The following ERI1 variants were observed in gnomAD, a reference collection of about 807,000 sequenced individuals.
The protein encoded by ERI1 is 3'-5' exoribonuclease 1.
ERI1 carries 39 observed loss-of-function variants against 39.7 expected under a neutral mutation model. The observed-to-expected ratio is 0.98, with a 90% confidence interval of 0.76 to 1.28. The LOEUF is 1.28. Ranked by LOEUF, ERI1 falls within the 50% of genes most tolerant of loss-of-function variation. The pLI, the probability that ERI1 is intolerant of heterozygous loss-of-function variation, is 0.00. For missense variants in ERI1, 581 were observed against 416.9 expected, an observed-to-expected ratio of 1.39 and a Z score of -3.43; for synonymous variants, 204 against 149.6, an observed-to-expected ratio of 1.36 and a Z score of -2.65.
intron 3 of ERI1, among the ~76,000 whole-genome samples, chr8:9,040,466 T>A (rs1797981092): frequency 6.6e-6 from 1 of 151,996 alleles, no homozygotes; most frequent in Admixed American, 6.5e-5. Flanking sequence ...GAGTGGTGTC[T>A]TTGTTTTGTA....
chr8:9,094,912 G>A (rs1238832299), intron 3 of ERI1, among the ~76,000 whole-genome samples: 1 of 152,166 alleles, frequency 6.6e-6, no homozygotes, highest in Non-Finnish European at 1.5e-5. Flanking sequence ...TACGGGGGTT[G>A]GGAGAGTCCT....
At chr8:9,082,112 A>G (rs759481441) in intron 3 of ERI1, among the ~76,000 whole-genome samples, 6 of 151,894 alleles carry the variant, frequency 4.0e-5, no homozygotes, top group Non-Finnish European at 8.8e-5. Flanking sequence ...ATTTCTTACG[A>G]CTCCAGGAAG....
intron 3 of ERI1, among the ~76,000 whole-genome samples, chr8:9,075,620 A>T (rs570136273): frequency 6.6e-6 from 1 of 152,186 alleles, no homozygotes; most frequent in South Asian, 2.1e-4. Flanking sequence ...AAAGAGACTT[A>T]CAGGGGGCTT....
chr8:9,008,138 C>G lies in ERI1; in HGVS notation c.277C>G (p.Leu93Val). 1.3e-6 allele frequency: 2 copies of G among 1,583,798 alleles called. No homozygotes were observed. The highest frequency in any genetic ancestry group is 1.7e-6 in the Non-Finnish European group (2 of 1,167,738). ...ELRAKLSEFKLETRGVKDVLK... is the reference protein window; with the variant it reads ...ELRAKLSEFKVETRGVKDVLK... ...CAGAGCTAAGCTTTCAGAATTCAAG[C>G]TTGAAACTAGGTAATTAAAAATAAC... The change falls in exon 2 of 7, where the codon CTT (leucine) becomes GTT (valine). Residue 93 changes from leucine (L) to valine (V), a missense_variant. Physicochemically the swap from Leu to Val is conservative, Grantham distance 32. Coordinates refer to ENST00000250263, the MANE Select transcript of ERI1 (RefSeq NM_153332.4).
chr8:9,041,451 CAA>C (rs1385477509), intron 3 of ERI1, among the ~76,000 whole-genome samples: 1 of 152,130 alleles, frequency 6.6e-6, no homozygotes, highest in Non-Finnish European at 1.5e-5. Context: ...AAACAAGTCT[CAA>C]GAGCTTTTAA....
chr8:9,002,920 G>T lies in ERI1; in HGVS notation c.-144G>T, dbSNP rs1371667481. 2.0e-6 allele frequency: 1 copy of T among 512,714 alleles called. No homozygotes were observed. Among genetic ancestry groups the T allele is most frequent in the East Asian group, 3.5e-5 (1 of 28,318 alleles). 31.8% of individuals were successfully genotyped at this position (512,714 alleles called of 1,614,324 possible). A position where few individuals can be genotyped will look rare whatever the true frequency, so the allele number is the denominator to read the frequency against. Reference sequence around the variant, plus strand: ...CCACACGCTCCCGGAAGTGGGAGGTGGCCGCTGGAGTTTGTGTGGCCGCCG... The same window carrying T: ...CCACACGCTCCCGGAAGTGGGAGGTTGCCGCTGGAGTTTGTGTGGCCGCCG... On this transcript the variant is annotated 5_prime_UTR_variant, in exon 1 of 7. Transcript: ENST00000250263.
chr8:9,083,191 A>G (rs569892386), intron 3 of ERI1, among the ~76,000 whole-genome samples: 1 of 152,312 alleles, frequency 6.6e-6, no homozygotes, highest in Admixed American at 6.5e-5. Context: ...GTCAGGGGGA[A>G]GCAAAGTCAA....
chr8:9,060,460 A>T (rs765055467), intron 3 of ERI1, among the ~76,000 whole-genome samples: 2 of 152,104 alleles, frequency 1.3e-5, no homozygotes, highest in African/African-American at 2.4e-5. Context: ...GGCCGGAACA[A>T]TCCCTGAGGG....
intron 3 of ERI1, among the ~76,000 whole-genome samples, chr8:9,089,076 C>T (rs1031152133): frequency 3.3e-5 from 5 of 152,134 alleles, no homozygotes; most frequent in Non-Finnish European, 5.9e-5. Flanking sequence ...GCAAGTTATT[C>T]GCCATCACTA....
chr8:9,077,533 C>T (rs1278074337), intron 3 of ERI1, among the ~76,000 whole-genome samples: 2 of 152,074 alleles, frequency 1.3e-5, no homozygotes. Context: ...CTGGGGGCTC[C>T]TGGAGGGTGG....
intron 3 of ERI1, among the ~76,000 whole-genome samples, chr8:9,065,366 C>T (rs1457117621): frequency 1.3e-5 from 2 of 152,116 alleles, no homozygotes; most frequent in Non-Finnish European, 2.9e-5. Flanking sequence ...AGAGGATGCT[C>T]AGTAGGCTGG....
At chr8:9,009,119 TG>T (rs1286597636) in intron 2 of ERI1, 1 of 455,722 alleles carries the variant, frequency 2.2e-6, no homozygotes, top group Non-Finnish European at 4.4e-6. Flanking sequence ...CTGGCTTGCG[TG>T]GGAGCTAGCG....
chr8:9,061,454 G>T (rs903037869), intron 3 of ERI1, among the ~76,000 whole-genome samples: 4 of 152,186 alleles, frequency 2.6e-5, no homozygotes, highest in Non-Finnish European at 4.4e-5. Flanking sequence ...AGTTATGAGA[G>T]GTGTAGAAAG....
intron 3 of ERI1, among the ~76,000 whole-genome samples, chr8:9,046,599 C>G (rs902405687): frequency 5.3e-5 from 8 of 152,218 alleles, no homozygotes; most frequent in African/African-American, 1.7e-4. Context: ...AAGGGACACA[C>G]TTTAAACATG....
At chr8:9,009,230 C>T (rs1484036129) in intron 2 of ERI1, 1 of 345,964 alleles carries the variant, frequency 2.9e-6, no homozygotes, top group East Asian at 7.7e-5. Context: ...GATATGTTCC[C>T]CACTTTGGCA....
intron 3 of ERI1, among the ~76,000 whole-genome samples, chr8:9,070,329 G>A (rs182473488): frequency 4.5e-4 from 69 of 152,038 alleles, no homozygotes; most frequent in African/African-American, 1.5e-3. Flanking sequence ...TAAAAATGGA[G>A]TAGTCTAAAG....
chr8:9,028,829 G>A (rs977297578), intron 6 of ERI1, among the ~76,000 whole-genome samples: 2 of 151,906 alleles, frequency 1.3e-5, no homozygotes, highest in African/African-American at 2.4e-5. Context: ...TCACCATGTT[G>A]GCCAGGCTGG....
At chr8:9,038,156 C>G (rs1016576574), downstream of ERI1, among the ~76,000 whole-genome samples, 43 of 152,106 alleles carry the variant, frequency 2.8e-4, no homozygotes, top group African/African-American at 1.0e-3. Context: ...AAATTTAGTA[C>G]CATCATCTGC....
downstream of ERI1, among the ~76,000 whole-genome samples, chr8:9,034,178 A>AGGGGCGGAT (rs1222104640): frequency 6.6e-6 from 1 of 152,268 alleles, no homozygotes; most frequent in African/African-American, 2.4e-5. Context: ...GACTTGGGTA[A>AGGGGCGGAT]GGGGCGGATG....
Sources: allele counts gnomAD v4.1 joint callset (sites outside exome capture counted in the v4.1 genomes callset), GRCh38; gene constraint gnomAD v4.1.1; transcripts MANE v1.5; gene names NCBI Gene and HGNC (gene_info 2026-07-23, HGNC 2026-07-21).